WWC2: variants seen among roughly 807,000 people sequenced by gnomAD.
WWC2 encodes WW and C2 domain containing 2.
Under a neutral mutation model 138.5 loss-of-function variants are expected in WWC2, and 101 were observed. The ratio of observed to expected loss-of-function variants is 0.73; its 90% confidence interval spans 0.62 to 0.86. The LOEUF is 0.86. Among genes scored for constraint, WWC2 ranks in the 40% least tolerant of loss-of-function variants. The probability of loss-of-function intolerance (pLI) is 0.00; values close to 1 mark genes in which losing one functional copy is unlikely to be tolerated. For synonymous variants in WWC2, 558 were observed against 538.4 expected (o/e 1.04, Z -0.50); for missense variants, 1,420 against 1,419.4 (o/e 1.00, Z -0.01).
chr4:183,315,068 GA>G (rs1254199031), intron 22 of WWC2, among the ~76,000 whole-genome samples: 2 of 152,232 alleles, frequency 1.3e-5, no homozygotes, highest in African/African-American at 4.8e-5. Context: ...GTTCTGTAGG[GA>G]AATAGACGCA....
intron 2 of WWC2, among the ~76,000 whole-genome samples, chr4:183,195,346 G>T (rs1580046520): frequency 6.6e-6 from 1 of 152,108 alleles, no homozygotes; most frequent in Non-Finnish European, 1.5e-5. Flanking sequence ...ACAAAAATAA[G>T]CTCTGTTGGT....
At chr4:183,286,164 C>A in intron 20 of WWC2, 105 bp downstream of exon 20, 1 of 1,094,560 alleles carries the variant, frequency 9.1e-7, no homozygotes, top group Non-Finnish European at 1.3e-6. Context: ...GTGCTCCATG[C>A]GCTTGGCCTA....
chr4:183,139,441 C>T (rs1234829165), intron 1 of WWC2, among the ~76,000 whole-genome samples: 1 of 152,206 alleles, frequency 6.6e-6, no homozygotes, highest in African/African-American at 2.4e-5. Context: ...CCCCATCTGT[C>T]CCCCACATTT....
At chr4:183,176,175 A>G (rs988842556) in intron 1 of WWC2, among the ~76,000 whole-genome samples, 2 of 152,236 alleles carry the variant, frequency 1.3e-5, no homozygotes, top group African/African-American at 4.8e-5. Flanking sequence ...GAGAGCACAC[A>G]GAAATATCAC....
chr4:183,248,672 T>TA (rs1164067860), intron 6 of WWC2, 42 bp from the exon 7 acceptor site: 1 of 1,527,672 alleles, frequency 6.5e-7, no homozygotes, highest in Non-Finnish European at 8.9e-7. Context: ...TTTGCTGTCT[T>TA]ACTTGTTAAG....
intron 16 of WWC2, among the ~76,000 whole-genome samples, chr4:183,280,244 T>G (rs1580142832): frequency 6.7e-6 from 1 of 148,282 alleles, no homozygotes. Flanking sequence ...TTTTTTTTTT[T>G]TTTTTTTTTT....
intron 16 of WWC2, among the ~76,000 whole-genome samples, chr4:183,279,353 T>C (rs1327564302): frequency 1.3e-5 from 2 of 152,012 alleles, no homozygotes; most frequent in Non-Finnish European, 2.9e-5. Flanking sequence ...ATAAGCTTTT[T>C]GATGTGCTGC....
intron 4 of WWC2, among the ~76,000 whole-genome samples, chr4:183,230,815 TAAA>T (rs968499653): frequency 2.6e-5 from 4 of 151,574 alleles, no homozygotes; most frequent in Admixed American, 6.6e-5. Context: ...AATGAGCAAA[TAAA>T]AAAGTACAGG....
intron 16 of WWC2, among the ~76,000 whole-genome samples, chr4:183,279,669 A>G (rs985047925): frequency 1.6e-4 from 25 of 152,152 alleles, no homozygotes; most frequent in Non-Finnish European, 3.4e-4. Flanking sequence ...TTATTGGTCT[A>G]TTCAGAGATT....
chr4:183,131,987 C>T (rs190528285), intron 1 of WWC2, among the ~76,000 whole-genome samples: 89 of 152,310 alleles, frequency 5.8e-4, no homozygotes, highest in African/African-American at 2.0e-3. Flanking sequence ...TTCTATAAAT[C>T]AAGTCTCCAA....
chr4:183,273,268 A>G (rs186450952), intron 16 of WWC2, among the ~76,000 whole-genome samples: 2 of 150,966 alleles, frequency 1.3e-5, no homozygotes, highest in East Asian at 3.9e-4. Flanking sequence ...TTCTTTGTCT[A>G]TTTTTAAACG....
At chr4:183,204,688 T>C (rs1157197638) in intron 2 of WWC2, among the ~76,000 whole-genome samples, 2 of 152,192 alleles carry the variant, frequency 1.3e-5, no homozygotes, top group Non-Finnish European at 2.9e-5. Flanking sequence ...GACAGGTGTA[T>C]ACCATGTAAC....
At position 183,312,379 on chromosome 4, in the gene WWC2, T is replaced by G; in HGVS notation, c.3423T>G (p.Asn1141Lys). ...QSKEEQKQGL[N>K]AEKLMRQVSK... Reference sequence around the variant, plus strand: ...AAGAAGAGCAGAAGCAAGGTCTGAATGCAGAGAAGTTGATGAGGCAAGTCT... The same window carrying G: ...AAGAAGAGCAGAAGCAAGGTCTGAAGGCAGAGAAGTTGATGAGGCAAGTCT... The change falls in exon 22 of 23, where the codon AAT becomes AAG. Residue 1141 changes from asparagine to lysine, a missense_variant. Physicochemically the swap from Asn to Lys is moderately conservative, Grantham distance 94. Transcript: ENST00000403733. 6.2e-7 allele frequency: 1 copy of G among 1,613,796 alleles called. No individual in the cohort carries two copies. The highest frequency in any genetic ancestry group is 8.5e-7 in the Non-Finnish European group (1 of 1,179,762).
At chr4:183,215,065 A>G (rs1735717537) in intron 4 of WWC2, among the ~76,000 whole-genome samples, 1 of 152,218 alleles carries the variant, frequency 6.6e-6, no homozygotes, top group African/African-American at 2.4e-5. Context: ...CAGGCCCCCC[A>G]GTGGATGCCT....
chr4:183,255,441 C>T (rs73872304), intron 9 of WWC2, among the ~76,000 whole-genome samples: 18 of 152,302 alleles, frequency 1.2e-4, no homozygotes, highest in African/African-American at 3.4e-4. Flanking sequence ...TTTCTAGCTA[C>T]GGATAGTCAT....
intron 1 of WWC2, among the ~76,000 whole-genome samples, chr4:183,164,538 A>T (rs1275228268): frequency 6.6e-6 from 1 of 151,636 alleles, no homozygotes; most frequent in Admixed American, 6.6e-5. Context: ...CTTTTTTAAA[A>T]AAGCTAAAAA....
At chr4:183,298,652 C>T (rs1738718966) in intron 21 of WWC2, among the ~76,000 whole-genome samples, 1 of 152,178 alleles carries the variant, frequency 6.6e-6, no homozygotes, top group African/African-American at 2.4e-5. Context: ...ATACCTGTGG[C>T]TTATGTTTTT....
At chr4:183,308,819 C>T (rs1424118381) in intron 21 of WWC2, among the ~76,000 whole-genome samples, 1 of 152,044 alleles carries the variant, frequency 6.6e-6, no homozygotes, top group Non-Finnish European at 1.5e-5. Flanking sequence ...GGAATAATGA[C>T]AAGGAAAAAC....
intron 4 of WWC2, among the ~76,000 whole-genome samples, chr4:183,231,430 C>G (rs966848421): frequency 6.6e-6 from 1 of 151,634 alleles, no homozygotes; most frequent in Admixed American, 6.6e-5. Context: ...CCACCACACT[C>G]AGCTAATTTT....
Sources: gnomAD v4.1 joint callset for allele counts (sites outside exome capture counted in the v4.1 genomes callset) on GRCh38, gnomAD v4.1.1 for gene constraint, MANE v1.5 for transcripts, NCBI Gene and HGNC (gene_info 2026-07-23, HGNC 2026-07-21) for gene names.